ROBO2: variants seen among roughly 807,000 people sequenced by gnomAD.
ROBO2 encodes roundabout guidance receptor 2.
A neutral mutation model predicts 160.8 loss-of-function variants in ROBO2; 53 were observed. The observed-to-expected ratio is 0.33, with a 90% CI of 0.26 to 0.41. ROBO2 has a LOEUF of 0.41. Ranked by LOEUF, ROBO2 falls within the 10% of genes least tolerant of loss-of-function variation. ROBO2 has a pLI of 1.00. For missense variants in ROBO2, 1,577 were observed against 1,722.4 expected, an observed-to-expected ratio of 0.92 and a Z score of 1.49; for synonymous variants, 664 against 611.7, an observed-to-expected ratio of 1.09 and a Z score of -1.26.
chr3:75,907,146 TG>T (rs1239192081), intron 1 of ROBO2, among the ~76,000 whole-genome samples: 1 of 152,038 alleles, frequency 6.6e-6, no homozygotes, highest in African/African-American at 2.4e-5. Context: ...ACGGCCAGCG[TG>T]GGGGCATTCG....
intron 2 of ROBO2, among the ~76,000 whole-genome samples, chr3:76,603,697 T>C (rs929412745): frequency 6.6e-6 from 1 of 152,076 alleles, no homozygotes; most frequent in Admixed American, 6.6e-5. Context: ...CCATCTGGAA[T>C]GCTATAAGCT....
chr3:76,484,263 A>C (rs2079369263), intron 2 of ROBO2, among the ~76,000 whole-genome samples: 2 of 152,200 alleles, frequency 1.3e-5, no homozygotes, highest in African/African-American at 2.4e-5. Context: ...CCATGTTCTA[A>C]ATATGTGCTC....
At chr3:77,284,509 C>T (rs1254587915) in intron 2 of ROBO2, among the ~76,000 whole-genome samples, 1 of 152,152 alleles carries the variant, frequency 6.6e-6, no homozygotes, top group African/African-American at 2.4e-5. Flanking sequence ...ACATCACTGT[C>T]ATTTTCTCAG....
intron 2 of ROBO2, among the ~76,000 whole-genome samples, chr3:76,673,966 T>A (rs1438374814): frequency 6.6e-6 from 1 of 152,130 alleles, no homozygotes; most frequent in Admixed American, 6.6e-5. Context: ...ATGTTTTAAA[T>A]CTAATATGGA....
intron 2 of ROBO2, among the ~76,000 whole-genome samples, chr3:75,985,599 TG>T (rs1487379680): frequency 6.6e-6 from 1 of 151,590 alleles, no homozygotes; most frequent in Admixed American, 6.6e-5. Context: ...CATCATTATG[TG>T]GTTTATGGCT....
At chr3:77,016,185 C>T (rs2062238229) in intron 2 of ROBO2, among the ~76,000 whole-genome samples, 1 of 152,044 alleles carries the variant, frequency 6.6e-6, no homozygotes. Context: ...ACCGTGTTAG[C>T]CAGGATGGTC....
intron 1 of ROBO2, among the ~76,000 whole-genome samples, chr3:77,073,114 T>C (rs2067590421): frequency 1.3e-5 from 2 of 152,202 alleles, no homozygotes; most frequent in South Asian, 4.1e-4. Flanking sequence ...CAATTGCCCT[T>C]TAAAAATTAC....
rs923749940 is a variant in ROBO2, at chr3:75,964,074, G to T, written c.109+26472G>T. 3.3e-5 allele frequency among the ~76,000 whole-genome samples: 5 copies of T among 151,648 alleles called. No individual in the cohort carries two copies. The Admixed American group carries it at 3.3e-4, about 10-fold the overall frequency. On this transcript the variant is annotated intron_variant, in intron 2 of 26. Transcript: ENST00000487694. ...CACATGGTAAGTAACCATTGACCAG[G>T]TTAATCATGTTACTCAGAAGAGATA...
intron 2 of ROBO2, among the ~76,000 whole-genome samples, chr3:77,202,176 T>C (rs986329196): frequency 6.6e-6 from 1 of 152,164 alleles, no homozygotes; most frequent in Non-Finnish European, 1.5e-5. Context: ...CATCCAACTG[T>C]GAAACTACTG....
intron 2 of ROBO2, among the ~76,000 whole-genome samples, chr3:77,366,581 T>C (rs1169770156): frequency 6.6e-6 from 1 of 152,150 alleles, no homozygotes. Flanking sequence ...TATGTTGCTA[T>C]AAAGGTATGC....
At chr3:76,465,440 C>T (rs775684199) in intron 2 of ROBO2, among the ~76,000 whole-genome samples, 3 of 152,008 alleles carry the variant, frequency 2.0e-5, no homozygotes, top group Non-Finnish European at 2.9e-5. Flanking sequence ...TTTATACCCA[C>T]CCATCCCATA....
chr3:77,360,089 C>T (rs1341204563), intron 2 of ROBO2, among the ~76,000 whole-genome samples: 3 of 152,110 alleles, frequency 2.0e-5, no homozygotes, highest in South Asian at 2.1e-4. Flanking sequence ...GGATGAAATC[C>T]CCTAAGTTTA....
chr3:76,649,595 C>T (rs73841264), intron 2 of ROBO2, among the ~76,000 whole-genome samples: 9,249 of 152,080 alleles, frequency 0.061, 897 homozygotes, highest in African/African-American at 0.2. Context: ...GAATTTTATC[C>T]AGTGACCTTC....
intron 1 of ROBO2, among the ~76,000 whole-genome samples, chr3:77,061,474 G>C (rs904686089): frequency 2.0e-5 from 3 of 152,136 alleles, no homozygotes; most frequent in Non-Finnish European, 4.4e-5. Flanking sequence ...GGGCAGCAAG[G>C]GTAGGCTGGG....
At chr3:76,479,851 G>A (rs2079118291) in intron 2 of ROBO2, among the ~76,000 whole-genome samples, 1 of 152,124 alleles carries the variant, frequency 6.6e-6, no homozygotes, top group South Asian at 2.1e-4. Context: ...GGTGGAATTC[G>A]GGTTTTAGAA....
chr3:77,455,243 A>C (rs922623787), intron 2 of ROBO2, among the ~76,000 whole-genome samples: 2 of 152,204 alleles, frequency 1.3e-5, no homozygotes. Context: ...GGAAATACTG[A>C]ATCATTGACG....
chr3:75,914,150 A>G (rs1946713240), intron 1 of ROBO2, among the ~76,000 whole-genome samples: 1 of 152,174 alleles, frequency 6.6e-6, no homozygotes, highest in African/African-American at 2.4e-5. Flanking sequence ...TGGATGTGAC[A>G]TGCTTTACTG....
intron 2 of ROBO2, among the ~76,000 whole-genome samples, chr3:76,248,187 C>G (rs941821624): frequency 6.6e-6 from 1 of 151,920 alleles, no homozygotes; most frequent in Non-Finnish European, 1.5e-5. Context: ...AAGACACATG[C>G]GCACGTATGT....
intron 2 of ROBO2, among the ~76,000 whole-genome samples, chr3:77,116,346 T>A (rs2150224727): frequency 6.6e-6 from 1 of 152,342 alleles, no homozygotes; most frequent in East Asian, 1.9e-4. Flanking sequence ...GGGCTTGTCA[T>A]GTAACTGTTC....
Sources: gnomAD v4.1 joint callset for allele counts (sites outside exome capture counted in the v4.1 genomes callset) on GRCh38, gnomAD v4.1.1 for gene constraint, MANE v1.5 for transcripts, NCBI Gene and HGNC (gene_info 2026-07-23, HGNC 2026-07-21) for gene names.